BCO1: variants seen among roughly 807,000 people sequenced by gnomAD.
BCO1 encodes the protein beta-carotene oxygenase 1.
Under a neutral mutation model 56.3 loss-of-function variants are expected in BCO1, and 54 were observed. The observed-to-expected ratio is 0.96, with a 90% CI of 0.77 to 1.20. The LOEUF (loss-of-function observed/expected upper bound fraction) is 1.20. BCO1 is among the 50% of genes most tolerant of loss of function. The pLI is 0.00. For synonymous variants in BCO1, 318 were observed against 266.1 expected, an observed-to-expected ratio of 1.20 and a Z score of -1.90; for missense variants, 801 against 690.9, an observed-to-expected ratio of 1.16 and a Z score of -1.79.
At chr16:81,263,760 G>A (rs1906640236) in intron 4 of BCO1, 1 of 152,220 alleles carries the variant, frequency 6.6e-6, no homozygotes, top group African/African-American at 2.4e-5. Context: ...CAACATTTTG[G>A]TGGGAATCAA....
At position 81,290,796 on chromosome 16, in the gene BCO1, T is replaced by C. The variant is rs1186755253; in HGVS notation, c.*219T>C. 1.8e-6 allele frequency: 1 copy of C among 552,712 alleles called. No homozygotes were observed. The highest frequency in any genetic ancestry group is 3.2e-6 in the Non-Finnish European group (1 of 310,826). 34.2% of individuals were successfully genotyped at this position (552,712 alleles called of 1,614,324 possible). ...AAGTCAAACATTTGAACATCAAATA[T>C]GTATTGATTAGATCCAGTCCTTCTA... On this transcript the variant is annotated 3_prime_UTR_variant, in exon 11 of 11. Transcript: ENST00000258168.
intron 2 of BCO1, among the ~76,000 whole-genome samples, chr16:81,256,411 T>C (rs1447145909): frequency 1.3e-5 from 2 of 152,182 alleles, no homozygotes; most frequent in Non-Finnish European, 2.9e-5. Context: ...TGTCACTGTG[T>C]CCCAGGCTTG....
chr16:81,255,042 C>A (rs188977271), intron 2 of BCO1, among the ~76,000 whole-genome samples: 2 of 152,206 alleles, frequency 1.3e-5, no homozygotes, highest in Non-Finnish European at 2.9e-5. Context: ...CTGGGCCTCT[C>A]AAACTGCTGG....
intron 1 of BCO1, among the ~76,000 whole-genome samples, chr16:81,241,533 G>C (rs905947490): frequency 3.3e-5 from 5 of 152,202 alleles, no homozygotes; most frequent in African/African-American, 1.2e-4. Context: ...GTGCTGGGTA[G>C]AAATAAACAT....
At chr16:81,287,508 G>A in intron 10 of BCO1, 102 bp downstream of exon 10, 3 of 870,762 alleles carry the variant, frequency 3.4e-6, no homozygotes, top group African/African-American at 1.7e-5. Flanking sequence ...GGTCATAAAG[G>A]GGGTGGATTG....
intron 7 of BCO1, among the ~76,000 whole-genome samples, chr16:81,279,675 T>C (rs183731512): frequency 2.0e-5 from 3 of 152,290 alleles, no homozygotes; most frequent in Admixed American, 1.3e-4. Flanking sequence ...CCACGGTTAG[T>C]ACATGAGGGA....
At chr16:81,270,692 CTGTG>C (rs58969930) in intron 7 of BCO1, among the ~76,000 whole-genome samples, 112 of 143,786 alleles carry the variant, frequency 7.8e-4, no homozygotes, top group African/African-American at 2.6e-3. Context: ...CTCTCTGTGT[CTGTG>C]TGTGTGTGTG....
chr16:81,286,083 T>G (rs1349168621), intron 9 of BCO1, among the ~76,000 whole-genome samples: 1 of 151,960 alleles, frequency 6.6e-6, no homozygotes, highest in African/African-American at 2.4e-5. Context: ...AGACAGAGTC[T>G]CATTGTGTTG....
intron 5 of BCO1, among the ~76,000 whole-genome samples, chr16:81,265,574 T>A (rs62652191): frequency 0.31 from 37,960 of 124,410 alleles, 5,712 homozygotes; most frequent in Middle Eastern, 0.5. Context: ...TCCATTGAGC[T>A]TCCCACCCAC....
In BCO1 at chr16:81,238,820, G is replaced by A. The variant is rs1904975279; in HGVS notation, c.-89G>A. On this transcript the variant is annotated 5_prime_UTR_variant, in exon 1 of 11. Coordinates refer to ENST00000258168, the MANE Select transcript of BCO1 (RefSeq NM_017429.3). ...AGGGAAGGAGCAGGAGAGCAGGAAG[G>A]AAACGCAGGAGGAGGGAGCAGCATC... 2 of 1,140,630 alleles carry A rather than the reference G, an allele frequency of 1.8e-6. No homozygotes were observed. Among genetic ancestry groups the A allele is most frequent in the Non-Finnish European group, 1.3e-6 (1 of 750,412 alleles). The allele number at this position is 1,140,630 out of a possible 1,614,324, so 70.7% of individuals were successfully genotyped here.
intron 7 of BCO1, among the ~76,000 whole-genome samples, chr16:81,271,711 G>A (rs1480065777): frequency 2.0e-5 from 3 of 152,126 alleles, no homozygotes; most frequent in African/African-American, 7.2e-5. Flanking sequence ...GTTGTAGTCC[G>A]TATAAGTGCT....
At chr16:81,284,013 G>C (rs1403762561) in intron 8 of BCO1, among the ~76,000 whole-genome samples, 2 of 150,268 alleles carry the variant, frequency 1.3e-5, no homozygotes, top group African/African-American at 4.9e-5. Flanking sequence ...GTGAAACCCT[G>C]TCTCTACTGA....
At chr16:81,255,288 G>A (rs199660466) in intron 2 of BCO1, among the ~76,000 whole-genome samples, 22 of 152,070 alleles carry the variant, frequency 1.4e-4, no homozygotes, top group African/African-American at 5.1e-4. Flanking sequence ...GCTGGCCTTC[G>A]ACTCCAGATT....
At chr16:81,260,008 C>T (rs1301458074) in intron 3 of BCO1, among the ~76,000 whole-genome samples, 2 of 152,162 alleles carry the variant, frequency 1.3e-5, no homozygotes, top group African/African-American at 2.4e-5. Context: ...ATTAGAAGCC[C>T]TCCCACATGG....
chr16:81,267,604 C>T (rs986223840), intron 5 of BCO1, among the ~76,000 whole-genome samples: 2 of 152,128 alleles, frequency 1.3e-5, no homozygotes, highest in Non-Finnish European at 2.9e-5. Context: ...CAGAGGGAGA[C>T]TCTATCTCAG....
At chr16:81,277,267 T>C (rs1907614929) in intron 7 of BCO1, among the ~76,000 whole-genome samples, 1 of 152,082 alleles carries the variant, frequency 6.6e-6, no homozygotes, top group Non-Finnish European at 1.5e-5. Context: ...ACTCTCCTCC[T>C]GGCTCCTGTG....
chr16:81,269,634 AT>A (rs1567457043), intron 6 of BCO1, among the ~76,000 whole-genome samples: 1 of 152,010 alleles, frequency 6.6e-6, no homozygotes, highest in Admixed American at 6.6e-5. Flanking sequence ...TGCCTGGCTA[AT>A]TTTTTGTATT....
chr16:81,285,213 AG>A (rs1908108105), intron 8 of BCO1, among the ~76,000 whole-genome samples: 1 of 152,200 alleles, frequency 6.6e-6, no homozygotes, highest in Non-Finnish European at 1.5e-5. Context: ...TTTGAAAAAA[AG>A]CTTTAAGAAA....
intron 2 of BCO1, among the ~76,000 whole-genome samples, chr16:81,251,584 G>A (rs1198705410): frequency 6.6e-6 from 1 of 151,592 alleles, no homozygotes; most frequent in Non-Finnish European, 1.5e-5. Flanking sequence ...AGAAAAACAT[G>A]TAAAAAATAA....
Sources: gnomAD v4.1 joint callset for allele counts (sites outside exome capture counted in the v4.1 genomes callset) on GRCh38, gnomAD v4.1.1 for gene constraint, MANE v1.5 for transcripts, NCBI Gene and HGNC (gene_info 2026-07-23, HGNC 2026-07-21) for gene names.